RTF1: variants seen among roughly 807,000 people sequenced by gnomAD.
RTF1 encodes RNA polymerase-associated protein RTF1 homolog.
RTF1 carries 10 observed loss-of-function variants against 95.7 expected under a neutral mutation model. That is an observed-to-expected ratio of 0.10 (90% CI 0.06 to 0.18). RTF1 has a LOEUF of 0.18. RTF1 is among the 10% of genes least tolerant of loss of function. The pLI is 1.00. For missense variants in RTF1, 458 were observed against 875.6 expected, an observed-to-expected ratio of 0.52 and a Z score of 6.02; for synonymous variants, 305 against 311.8, an observed-to-expected ratio of 0.98 and a Z score of 0.23.
chr15:41,478,471 T>G, intron 14 of RTF1, 77 bp from the exon 15 acceptor site: 1 of 1,048,552 alleles, frequency 9.5e-7, no homozygotes, highest in Non-Finnish European at 1.5e-6. Context: ...GTGCAAAGAC[T>G]TATTTGCCTG....
rs1485593198 is a variant in RTF1 at position 41,482,207 on chromosome 15, A to G, written c.*1520A>G. ...AGAGGTGTGTGTATGTCTTTATGAA[A>G]TGTTTGAAAAGAGATAAACTGACTG... On this transcript the variant is annotated 3_prime_UTR_variant, in exon 18 of 18. Transcript: ENST00000389629. 2 of 152,690 alleles carry G rather than the reference A, an allele frequency of 1.3e-5. No individual in the cohort carries two copies. Among genetic ancestry groups the G allele is most frequent in the Non-Finnish European group, 2.9e-5 (2 of 68,056 alleles). The allele number at this position is 152,690 out of a possible 1,614,324, so 9.5% of individuals were successfully genotyped here.
chr15:41,446,807 T>TA (rs1330046586), intron 2 of RTF1, among the ~76,000 whole-genome samples: 106 of 150,268 alleles, frequency 7.1e-4, no homozygotes, highest in African/African-American at 2.3e-3. Context: ...GCTGTTATTT[T>TA]TTTTTTTTTT....
At chr15:41,417,679 TG>T (rs1320148017) in intron 1 of RTF1, among the ~76,000 whole-genome samples, 1 of 151,922 alleles carries the variant, frequency 6.6e-6, no homozygotes, top group Non-Finnish European at 1.5e-5. Context: ...CCCGCCAACC[TG>T]GGAGGCTGGG....
chr15:41,473,025 T>G (rs2050922187), intron 8 of RTF1, among the ~76,000 whole-genome samples: 1 of 151,588 alleles, frequency 6.6e-6, no homozygotes, highest in Admixed American at 6.6e-5. Context: ...AAAAAAAAAT[T>G]TTTGTAGCAA....
At chr15:41,429,364 G>A (rs1394421909) in intron 1 of RTF1, among the ~76,000 whole-genome samples, 1 of 151,834 alleles carries the variant, frequency 6.6e-6, no homozygotes, top group African/African-American at 2.4e-5. Flanking sequence ...CGACTGCTGT[G>A]GGTTCCTTCT....
chr15:41,442,776 C>G (rs1188525275), intron 2 of RTF1, among the ~76,000 whole-genome samples: 1 of 152,104 alleles, frequency 6.6e-6, no homozygotes, highest in Non-Finnish European at 1.5e-5. Context: ...GTCCTAGCTA[C>G]TCGGGAGGCT....
intron 1 of RTF1, among the ~76,000 whole-genome samples, chr15:41,422,495 A>G (rs558438728): frequency 6.6e-6 from 1 of 152,302 alleles, no homozygotes; most frequent in Admixed American, 6.5e-5. Flanking sequence ...CCTTTATGGA[A>G]TAATATTTAT....
At chr15:41,452,309 G>A (rs560699017) in intron 2 of RTF1, among the ~76,000 whole-genome samples, 7 of 151,440 alleles carry the variant, frequency 4.6e-5, no homozygotes, top group African/African-American at 7.3e-5. Flanking sequence ...GGTGGTACAC[G>A]CCTATGGTCC....
chr15:41,417,145 AGCGGCG>A lies in RTF1; in HGVS notation c.42_47del (p.Ala15_Ala16del). The A allele has an allele frequency of 4.0e-6, 5 of 1,258,352 alleles. No homozygotes were observed. Among genetic ancestry groups the A allele is most frequent in the Admixed American group, 4.2e-5 (1 of 23,792 alleles). 77.9% of individuals were successfully genotyped at this position (1,258,352 alleles called of 1,614,324 possible). On this transcript the variant is annotated inframe_deletion, in exon 1 of 18. Transcript: ENST00000389629. ...GCGGTCGCCTTTGTGTGGGTCGAGC[AGCGGCG>A]GCGGCGGCGGCAGTGGCGGTCCCAC...
intron 17 of RTF1, 128 bp downstream of exon 17, chr15:41,480,453 C>G: frequency 2.1e-6 from 2 of 957,044 alleles, no homozygotes; most frequent in Middle Eastern, 2.4e-4. Context: ...ACAGGCCAGG[C>G]CAAGACAGGC....
At chr15:41,436,176 G>A (rs1226661366) in intron 1 of RTF1, among the ~76,000 whole-genome samples, 1 of 151,462 alleles carries the variant, frequency 6.6e-6, no homozygotes, top group East Asian at 2.0e-4. Context: ...GCATGGCTGG[G>A]TGCAGTGGCT....
intron 1 of RTF1, among the ~76,000 whole-genome samples, chr15:41,436,841 C>T (rs1283825097): frequency 2.0e-5 from 3 of 151,984 alleles, no homozygotes; most frequent in African/African-American, 4.8e-5. Context: ...GTAATCCCAG[C>T]ACTTTGGGAG....
At chr15:41,417,412 GC>G (rs2050576881) in intron 1 of RTF1, 99 bp downstream of exon 1, 1 of 1,039,108 alleles carries the variant, frequency 9.6e-7, no homozygotes, top group Non-Finnish European at 1.2e-6. Flanking sequence ...CTACCAGAGC[GC>G]CCAGCTCGCC....
chr15:41,456,096 C>A (rs1203886873), intron 3 of RTF1, among the ~76,000 whole-genome samples: 1 of 151,458 alleles, frequency 6.6e-6, no homozygotes, highest in African/African-American at 2.4e-5. Flanking sequence ...GTCCCTGTTA[C>A]TTGGGAGGCT....
rs780146659 is a variant in RTF1, at chr15:41,417,145, A to AGCGGCGGCG, written c.39_47dup (p.Ala14_Ala16dup). ...GCGGTCGCCTTTGTGTGGGTCGAGCAGCGGCGGCGGCGGCGGCAGTGGCGG... is the reference window on the plus strand; with the variant it reads ...GCGGTCGCCTTTGTGTGGGTCGAGCAGCGGCGGCGGCGGCGGCGGCGGCGGCAGTGGCGG... On this transcript the variant is annotated inframe_insertion, in exon 1 of 18. Transcript: ENST00000389629. The AGCGGCGGCG allele has an allele frequency of 3.2e-6, 4 of 1,258,366 alleles. No homozygotes were observed. The highest frequency in any genetic ancestry group is 4.2e-5 in the Admixed American group (1 of 23,792). 78.0% of individuals were successfully genotyped at this position (1,258,366 alleles called of 1,614,324 possible).
intron 4 of RTF1, among the ~76,000 whole-genome samples, chr15:41,460,702 T>TC (rs1027303219): frequency 3.3e-5 from 5 of 151,898 alleles, no homozygotes; most frequent in African/African-American, 1.2e-4. Context: ...AAAAAAATTT[T>TC]TTTTTTTTTT....
chr15:41,474,184 TTTTTG>T (rs1372632509), intron 8 of RTF1, among the ~76,000 whole-genome samples: 21 of 152,082 alleles, frequency 1.4e-4, no homozygotes, highest in Admixed American at 1.1e-3. Context: ...GCCTGGATTG[TTTTTG>T]TTTTGTTTTA....
chr15:41,422,897 C>G (rs1390757067), intron 1 of RTF1, among the ~76,000 whole-genome samples: 1 of 152,162 alleles, frequency 6.6e-6, no homozygotes, highest in Non-Finnish European at 1.5e-5. Context: ...CCTCAGCCTT[C>G]CGAGTAGCTT....
intron 3 of RTF1, 31 bp from the exon 4 acceptor site, chr15:41,457,641 G>C: frequency 6.2e-7 from 1 of 1,606,224 alleles, no homozygotes; most frequent in South Asian, 1.1e-5. Context: ...CTGTAGCATA[G>C]TGTAATCTTG....
Sources: allele counts gnomAD v4.1 joint callset (sites outside exome capture counted in the v4.1 genomes callset), GRCh38; gene constraint gnomAD v4.1.1; transcripts MANE v1.5; gene names NCBI Gene and HGNC (gene_info 2026-07-23, HGNC 2026-07-21).